The following TRIM16 variants were observed in gnomAD, a reference collection of about 807,000 sequenced individuals.
The protein encoded by TRIM16 is tripartite motif containing 16, also known as tripartite motif-containing protein 16.
A neutral mutation model predicts 50.4 loss-of-function variants in TRIM16; 33 were observed. The ratio of observed to expected loss-of-function variants is 0.65; its 90% CI spans 0.50 to 0.88. TRIM16 has a LOEUF of 0.88. Ranked by LOEUF, TRIM16 falls within the 40% of genes least tolerant of loss-of-function variation. The pLI, the probability that TRIM16 is intolerant of heterozygous loss-of-function variation, is 0.00. For missense variants in TRIM16, 581 were observed against 686.8 expected, an observed-to-expected ratio of 0.85 and a Z score of 1.72; for synonymous variants, 229 against 270.7, an observed-to-expected ratio of 0.85 and a Z score of 1.51.
intron 8 of TRIM16, among the ~76,000 whole-genome samples, chr17:15,637,349 G>C (rs1986840480): frequency 8.4e-6 from 1 of 118,574 alleles, no homozygotes; most frequent in East Asian, 2.7e-4. Flanking sequence ...GGGAGATGGG[G>C]GGGTCAGCCC....
intron 8 of TRIM16, among the ~76,000 whole-genome samples, chr17:15,639,233 A>C (rs1987006318): frequency 6.9e-6 from 1 of 144,054 alleles, no homozygotes; most frequent in Non-Finnish European, 1.5e-5. Context: ...TTTTGTAGAG[A>C]TAGGAGCTTA....
intron 10 of TRIM16, 137 bp from the exon 11 acceptor site, chr17:15,631,851 T>G (rs1159556920): frequency 3.6e-5 from 26 of 726,810 alleles, no homozygotes; most frequent in Admixed American, 1.8e-4. Flanking sequence ...TTCACAGAAA[T>G]ACGCTCAATA....
intron 6 of TRIM16, among the ~76,000 whole-genome samples, chr17:15,668,763 T>C (rs1001092353): frequency 6.6e-6 from 1 of 152,056 alleles, no homozygotes; most frequent in Admixed American, 6.6e-5. Context: ...TGGAACACAG[T>C]CCAAAAACAG....
chr17:15,642,189 T>C (rs139153696), intron 8 of TRIM16, among the ~76,000 whole-genome samples: 21 of 148,508 alleles, frequency 1.4e-4, no homozygotes, highest in African/African-American at 2.0e-4. Context: ...TTGCCACTGA[T>C]GAGAGGCATT....
chr17:15,636,808 C>G (rs1986772408), intron 8 of TRIM16, among the ~76,000 whole-genome samples: 1 of 148,680 alleles, frequency 6.7e-6, no homozygotes, highest in Non-Finnish European at 1.5e-5. Flanking sequence ...GGCACCCAAG[C>G]AATTCCAGGA....
At chr17:15,677,464 G>A in intron 5 of TRIM16, 111 bp downstream of exon 5, 1 of 965,376 alleles carries the variant, frequency 1.0e-6, no homozygotes, top group Non-Finnish European at 1.2e-6. Context: ...ATTCTGTGGG[G>A]GAAAATAACC....
intron 6 of TRIM16, chr17:15,675,367 G>A (rs1423293892): frequency 1.2e-5 from 2 of 162,308 alleles, no homozygotes; most frequent in Non-Finnish European, 2.9e-5. Context: ...GATTTGTCCA[G>A]ACATTCAGGG....
intron 8 of TRIM16, among the ~76,000 whole-genome samples, chr17:15,638,178 T>TCC (rs1489908943): frequency 2.4e-5 from 3 of 124,830 alleles, no homozygotes; most frequent in African/African-American, 9.8e-5. Flanking sequence ...CTGCTGACCT[T>TCC]CCCTCCACTA....
At position 15,631,725 on chromosome 17, in the gene TRIM16, A is replaced by G. The variant is rs774499452; in HGVS notation, c.1016-11T>C. The G allele has an allele frequency of 6.2e-7, 1 of 1,613,702 alleles. No individual in the cohort carries two copies. ...TGATGTCATACTCCTCTAGAAAATC[A>G]AGAGAGTTGTGAATGCACACCTGTC... On this transcript the variant is annotated splice_polypyrimidine_tract_variant and intron_variant, in intron 10 of 11. Coordinates refer to ENST00000649191, the MANE Select transcript of TRIM16 (RefSeq NM_001348119.1).
At chr17:15,635,956 A>G (rs1321053809) in intron 9 of TRIM16, 80 bp downstream of exon 9, 18 of 1,429,312 alleles carry the variant, frequency 1.3e-5, no homozygotes, top group South Asian at 4.9e-5. Flanking sequence ...AGTTCCATTC[A>G]CAGATGGCCA....
At chr17:15,674,437 G>A (rs1164635551) in intron 6 of TRIM16, among the ~76,000 whole-genome samples, 1 of 151,956 alleles carries the variant, frequency 6.6e-6, no homozygotes, top group Non-Finnish European at 1.5e-5. Context: ...TTCTGAAAAG[G>A]TAGATGTAAC....
rs959658880 is a variant in TRIM16, at chr17:15,640,598, T to C, written c.615+2123A>G. 3.4e-5 allele frequency among the ~76,000 whole-genome samples: 5 copies of C among 149,172 alleles called. 1 individual carries two copies. Among genetic ancestry groups the C allele is most frequent in the African/African-American group, 9.9e-5 (4 of 40,290 alleles). ...TGCAAACACTGTAAATTCTGATATA[T>C]TAATCATTACTAGATTTAAATCTAA... On this transcript the variant is annotated intron_variant, in intron 8 of 11. Coordinates refer to ENST00000649191, the MANE Select transcript of TRIM16 (RefSeq NM_001348119.1).
At chr17:15,649,763 G>A (rs763824146) in intron 7 of TRIM16, among the ~76,000 whole-genome samples, 4 of 152,082 alleles carry the variant, frequency 2.6e-5, no homozygotes, top group South Asian at 2.1e-4. Context: ...TCCTCACTCC[G>A]TGACTTAATC....
chr17:15,668,349 G>C (rs929286372), intron 6 of TRIM16, among the ~76,000 whole-genome samples: 10 of 152,136 alleles, frequency 6.6e-5, no homozygotes, highest in Admixed American at 1.3e-4. Context: ...AGCAGTTTAT[G>C]GTGGGAGGGC....
At chr17:15,639,752 C>T (rs1987033078) in intron 8 of TRIM16, among the ~76,000 whole-genome samples, 1 of 149,348 alleles carries the variant, frequency 6.7e-6, no homozygotes, top group Admixed American at 6.6e-5. Context: ...AGGCTCAGAG[C>T]ACTGTCTGAA....
chr17:15,630,771 G>C (rs889599014), intron 11 of TRIM16, among the ~76,000 whole-genome samples: 20 of 150,850 alleles, frequency 1.3e-4, no homozygotes, highest in East Asian at 3.9e-4. Flanking sequence ...AGTGAGCCAT[G>C]ATCAAGCCAC....
intron 6 of TRIM16, among the ~76,000 whole-genome samples, chr17:15,661,006 T>C (rs1988211929): frequency 6.6e-6 from 1 of 150,716 alleles, no homozygotes; most frequent in East Asian, 2.0e-4. Context: ...GAAACAGGCA[T>C]ATTAATCAGA....
At chr17:15,660,952 G>GAGC (rs1272745440) in intron 6 of TRIM16, among the ~76,000 whole-genome samples, 3 of 149,466 alleles carry the variant, frequency 2.0e-5, no homozygotes, top group Non-Finnish European at 4.5e-5. Flanking sequence ...GCCTCCGTGA[G>GAGC]AGCAAAATAA....
At chr17:15,682,750 G>A in intron 3 of TRIM16, 104 bp downstream of exon 3, 1 of 1,114,540 alleles carries the variant, frequency 9.0e-7, no homozygotes, top group Non-Finnish European at 1.2e-6. Context: ...CAGAAAGGCA[G>A]GTGGTATAAT....
Sources: gnomAD v4.1 joint callset for allele counts (sites outside exome capture counted in the v4.1 genomes callset) on GRCh38, gnomAD v4.1.1 for gene constraint, MANE v1.5 for transcripts, NCBI Gene and HGNC (gene_info 2026-07-23, HGNC 2026-07-21) for gene names.